The following NT5C2 variants were observed in gnomAD, a reference collection of about 807,000 sequenced individuals.
NT5C2 encodes the protein cytosolic purine 5'-nucleotidase.
In NT5C2, 58 loss-of-function variants were observed where a neutral mutation model predicts 76.1. That is an observed-to-expected ratio of 0.76 (90% CI 0.62 to 0.95). The LOEUF is 0.95. NT5C2 is among the 40% of genes least tolerant of loss of function. The probability of loss-of-function intolerance (pLI) is 0.00; values close to 1 mark genes in which losing one functional copy is unlikely to be tolerated. For synonymous variants in NT5C2, 229 were observed against 237.4 expected, an observed-to-expected ratio of 0.96 and a Z score of 0.32; for missense variants, 478 against 690.3, an observed-to-expected ratio of 0.69 and a Z score of 3.45.
At position 103,130,565 on chromosome 10, in the gene NT5C2, T is replaced by A. The variant is rs868724401; in HGVS notation, c.175+8841A>T. 4.4e-3 allele frequency among the ~76,000 whole-genome samples: 423 copies of A among 95,996 alleles called. 4 individuals are homozygous for A. The highest frequency in any genetic ancestry group is 0.014 in the African/African-American group (358 of 24,998). The allele number at this position is 95,996 out of a possible 152,430, so 63.0% of individuals were successfully genotyped here. ...AGAATTATCAATAAAAAAATAAATT[T>A]AAAAAAAAAATAAAAATTAAAAAAA... is the stretch of plus-strand genomic sequence containing the variant. On this transcript the variant is annotated intron_variant, in intron 4 of 18. Transcript: ENST00000404739.
intron 3 of NT5C2, among the ~76,000 whole-genome samples, chr10:103,153,127 T>C (rs531344992): frequency 6.6e-6 from 1 of 152,354 alleles, no homozygotes; most frequent in African/African-American, 2.4e-5. Flanking sequence ...AACTTTATAG[T>C]AGATTACACA....
chr10:103,178,176 T>C (rs2090365455), intron 2 of NT5C2, among the ~76,000 whole-genome samples: 2 of 152,210 alleles, frequency 1.3e-5, no homozygotes, highest in Admixed American at 6.5e-5. Context: ...TGTGGAAAAG[T>C]GAACTTAATC....
At chr10:103,155,562 G>C (rs1273266814) in intron 3 of NT5C2, among the ~76,000 whole-genome samples, 2 of 152,086 alleles carry the variant, frequency 1.3e-5, no homozygotes, top group Non-Finnish European at 2.9e-5. Context: ...TGAACAAAAA[G>C]CAAAATGACA....
intron 4 of NT5C2, chr10:103,125,231 T>C: frequency 1.3e-6 from 1 of 774,616 alleles, no homozygotes; most frequent in Non-Finnish European, 2.2e-6. Context: ...CACTACAATT[T>C]TCCCAGCTCT....
In NT5C2 at chr10:103,101,064, T is replaced by G. The variant is rs779561888; in HGVS notation, c.520A>C (p.Asn174His). ...LLACLVDFFT[N>H]CPRYTSCETG... ...ACATACCTGGTATATCTGGGACAAT[T>G]AGTAAAAAAATCTACTAGGCAGGCC... is the stretch of plus-strand genomic sequence containing the variant. The change falls in exon 8 of 19, where the codon AAT becomes CAT. Residue 174 changes from asparagine (N) to histidine (H), a missense_variant. Asn to His is a moderately conservative substitution (Grantham distance 68, BLOSUM62 1). Coordinates refer to ENST00000404739, the MANE Select transcript of NT5C2 (RefSeq NM_001351169.2). The G allele has an allele frequency of 1.3e-6, 2 of 1,571,498 alleles. No individual in the cohort carries two copies. The highest frequency in any genetic ancestry group is 3.3e-5 in the Admixed American group (2 of 59,968).
At chr10:103,184,107 C>G (rs1405890245) in intron 1 of NT5C2, among the ~76,000 whole-genome samples, 2 of 152,064 alleles carry the variant, frequency 1.3e-5, no homozygotes, top group Non-Finnish European at 2.9e-5. Flanking sequence ...CATGAGCCAC[C>G]ACGCCCGGCT....
chr10:103,136,100 C>G (rs1008297962), intron 4 of NT5C2, among the ~76,000 whole-genome samples: 3 of 152,006 alleles, frequency 2.0e-5, no homozygotes, highest in Admixed American at 2.0e-4. Flanking sequence ...AAAAAAAACC[C>G]TCTTTCTTTT....
At position 103,099,312 on chromosome 10, in the gene NT5C2, C is replaced by T. The variant is rs142148182; in HGVS notation, c.634-328G>A. ...CTAGTCTTGAACTCCTGAGCTCAAG[C>T]AATCCACCTGCCTTGGCATCACAAA... On this transcript the variant is annotated intron_variant, in intron 9 of 18. Coordinates refer to ENST00000404739, the MANE Select transcript of NT5C2 (RefSeq NM_001351169.2). Among the ~76,000 whole-genome samples, 551 of 152,292 alleles carry T rather than the reference C, an allele frequency of 3.6e-3. 3 individuals carry two copies. The highest frequency in any genetic ancestry group is 0.017 in the Middle Eastern group (5 of 294).
At position 103,176,921 on chromosome 10, in the gene NT5C2, C is replaced by T. The variant is rs1212340970; in HGVS notation, c.-24-1939G>A. On this transcript the variant is annotated intron_variant, in intron 2 of 18. Transcript: ENST00000404739. Reference sequence around the variant, plus strand: ...ATTAGGCTTTGGGGTTGGGGTAGGTCTGTAATGTGAAACAACTTGTCTTTT... The same window carrying T: ...ATTAGGCTTTGGGGTTGGGGTAGGTTTGTAATGTGAAACAACTTGTCTTTT... Among the ~76,000 whole-genome samples, 4 of 152,056 alleles carry T rather than the reference C, an allele frequency of 2.6e-5. No individual in the cohort carries two copies. The South Asian group carries it at 8.3e-4, about 32-fold the overall frequency.
At chr10:103,132,551 CT>C (rs556207649) in intron 4 of NT5C2, among the ~76,000 whole-genome samples, 6 of 148,492 alleles carry the variant, frequency 4.0e-5, no homozygotes, top group East Asian at 2.0e-4. Context: ...AAAGTAATTT[CT>C]TTTTTTTTTG....
At chr10:103,125,227 A>C (rs1162365408) in intron 4 of NT5C2, 2 of 778,924 alleles carry the variant, frequency 2.6e-6, no homozygotes, top group African/African-American at 3.5e-5. Flanking sequence ...GGTTCACTAC[A>C]ATTTTCCCAG....
At chr10:103,101,587 G>C (rs2069684146) in intron 6 of NT5C2, among the ~76,000 whole-genome samples, 1 of 150,504 alleles carries the variant, frequency 6.6e-6, no homozygotes, top group African/African-American at 2.5e-5. Flanking sequence ...GATTGCTCAA[G>C]CAATCTTCCC....
intron 6 of NT5C2, among the ~76,000 whole-genome samples, chr10:103,105,205 C>T (rs1474446542): frequency 1.3e-5 from 2 of 151,780 alleles, no homozygotes; most frequent in Admixed American, 1.3e-4. Flanking sequence ...TCACTTTAAC[C>T]TTATGTTTAC....
rs145173783 is a variant in NT5C2, at chr10:103,190,753, ATAGT to A, written c.-169+2479_-169+2482del. On this transcript the variant is annotated intron_variant, in intron 1 of 18. Transcript: ENST00000404739. ...CACGTCACTCAACATATGCCTTGTGATAGTTAGTATTTTGTGTTAAATGTCTAAA... is the reference window on the plus strand; with the variant it reads ...CACGTCACTCAACATATGCCTTGTGATAGTATTTTGTGTTAAATGTCTAAA... Among the ~76,000 whole-genome samples, 217 of 152,320 alleles carry A rather than the reference ATAGT, an allele frequency of 1.4e-3. 1 individual carries two copies. The highest frequency in any genetic ancestry group is 2.0e-3 in the Admixed American group (30 of 15,294).
At chr10:103,165,881 G>T (rs1304111949) in intron 3 of NT5C2, among the ~76,000 whole-genome samples, 4 of 152,066 alleles carry the variant, frequency 2.6e-5, no homozygotes, top group Non-Finnish European at 5.9e-5. Flanking sequence ...TGTTAGTCAG[G>T]CTAGTCTCGA....
chr10:103,160,281 T>C (rs2084510521), intron 3 of NT5C2, among the ~76,000 whole-genome samples: 1 of 152,106 alleles, frequency 6.6e-6, no homozygotes. Context: ...GACCTAAAGC[T>C]GTAAAACTAA....
intron 3 of NT5C2, among the ~76,000 whole-genome samples, chr10:103,171,053 C>T (rs895682416): frequency 6.6e-6 from 1 of 152,090 alleles, no homozygotes; most frequent in Non-Finnish European, 1.5e-5. Flanking sequence ...CTTTAACACG[C>T]CATACCTAGC....
intron 4 of NT5C2, among the ~76,000 whole-genome samples, chr10:103,114,710 T>A (rs557104669): frequency 6.6e-6 from 1 of 152,210 alleles, no homozygotes; most frequent in African/African-American, 2.4e-5. Flanking sequence ...TTCTGGGTAA[T>A]ACTGTCAGTC....
intron 3 of NT5C2, among the ~76,000 whole-genome samples, chr10:103,165,586 T>C (rs1298819428): frequency 6.7e-6 from 1 of 149,920 alleles, no homozygotes; most frequent in East Asian, 2.0e-4. Flanking sequence ...TTTTTTTTTT[T>C]TTTTTTTCTA....
Sources: gnomAD v4.1 joint callset for allele counts (sites outside exome capture counted in the v4.1 genomes callset) on GRCh38, gnomAD v4.1.1 for gene constraint, MANE v1.5 for transcripts, NCBI Gene and HGNC (gene_info 2026-07-23, HGNC 2026-07-21) for gene names.